The following TTC7A variants were observed in gnomAD, a reference collection of about 807,000 sequenced individuals.
The protein encoded by TTC7A is tetratricopeptide repeat protein 7A.
Under a neutral mutation model 103.7 loss-of-function variants are expected in TTC7A, and 110 were observed. The observed-to-expected ratio is 1.06, with a 90% CI of 0.91 to 1.24. The LOEUF (loss-of-function observed/expected upper bound fraction) is 1.24. Among genes scored for constraint, TTC7A ranks in the 50% most tolerant of loss-of-function variants. The pLI, the probability that TTC7A is intolerant of heterozygous loss-of-function variation, is 0.00. For missense variants in TTC7A, 1,340 were observed against 1,116.3 expected (o/e 1.20, Z -2.86); for synonymous variants, 521 against 467.9 (o/e 1.11, Z -1.47).
chr2:47,017,853 A>G (rs1035305419), intron 11 of TTC7A, among the ~76,000 whole-genome samples: 2 of 152,212 alleles, frequency 1.3e-5, no homozygotes, highest in Non-Finnish European at 2.9e-5. Flanking sequence ...CTATACTCAG[A>G]TGACACTTGC....
At chr2:46,986,585 C>T (rs1000361450) in intron 5 of TTC7A, among the ~76,000 whole-genome samples, 4 of 152,230 alleles carry the variant, frequency 2.6e-5, no homozygotes, top group Non-Finnish European at 2.9e-5. Flanking sequence ...AGGAGCAGTT[C>T]GCCCCAAGGG....
chr2:46,989,258 C>A (rs1316496489), intron 5 of TTC7A, among the ~76,000 whole-genome samples: 1 of 152,242 alleles, frequency 6.6e-6, no homozygotes, highest in Non-Finnish European at 1.5e-5. Context: ...TGGCTTCTCC[C>A]CACGCAGGCT....
rs537815807 is a variant in TTC7A, at chr2:46,917,968, T to C, written c.82+691T>C. ...GTCCAGGGTTCTGTTCTGAGTCACC[T>C]TCTCTATCCACCCTCCCTATGTGAG... On this transcript the variant is annotated intron_variant, in intron 2 of 20. Coordinates refer to the TTC7A transcript ENST00000409245. 2.6e-5 allele frequency among the ~76,000 whole-genome samples: 4 copies of C among 152,362 alleles called. No homozygotes were observed. In the East Asian group the frequency reaches 7.7e-4, roughly 29 times the overall value.
chr2:46,971,922 C>CA (rs5830930), intron 3 of TTC7A, among the ~76,000 whole-genome samples: 18,356 of 93,506 alleles, frequency 0.2, 1,458 homozygotes, highest in African/African-American at 0.33. Flanking sequence ...CTGCAAGTGA[C>CA]AAAAAAAAAA....
chr2:47,039,962 G>C (rs1681555670), intron 15 of TTC7A, among the ~76,000 whole-genome samples: 1 of 152,204 alleles, frequency 6.6e-6, no homozygotes, highest in South Asian at 2.1e-4. Context: ...ATGTCCCCTG[G>C]TTCAGCAGGG....
intron 3 of TTC7A, among the ~76,000 whole-genome samples, chr2:46,959,599 G>A (rs1160624225): frequency 2.0e-5 from 3 of 152,034 alleles, no homozygotes; most frequent in Admixed American, 6.6e-5. Context: ...CTGTCTCTTC[G>A]CCCCCACCCT....
intron 2 of TTC7A, among the ~76,000 whole-genome samples, chr2:46,927,340 A>G (rs1379059706): frequency 6.6e-6 from 1 of 151,208 alleles, no homozygotes; most frequent in Non-Finnish European, 1.5e-5. Context: ...TATTAAAGAT[A>G]GAGGAGAAAA....
intron 15 of TTC7A, among the ~76,000 whole-genome samples, chr2:47,036,679 A>C (rs1328854433): frequency 6.6e-6 from 1 of 152,168 alleles, no homozygotes; most frequent in Non-Finnish European, 1.5e-5. Context: ...TAACATAGCA[A>C]GACCTCGTCT....
intron 2 of TTC7A, chr2:46,951,617 C>T (rs1201958496): frequency 4.4e-6 from 2 of 453,120 alleles, no homozygotes; most frequent in African/African-American, 4.0e-5. Context: ...CGCTGTGTTA[C>T]TCAGGCTGGT....
At chr2:47,026,617 C>G (rs1044371780) in intron 14 of TTC7A, among the ~76,000 whole-genome samples, 1 of 152,184 alleles carries the variant, frequency 6.6e-6, no homozygotes, top group South Asian at 2.1e-4. Flanking sequence ...CAGGAGCTAA[C>G]GCAGCTCCCA....
At chr2:47,020,618 C>T (rs113057676) in intron 11 of TTC7A, among the ~76,000 whole-genome samples, 6 of 152,242 alleles carry the variant, frequency 3.9e-5, no homozygotes, top group African/African-American at 1.4e-4. Flanking sequence ...CTGAGTCGGG[C>T]ATGGTGGGCA....
At chr2:47,056,963 A>T (rs1683375055) in intron 18 of TTC7A, among the ~76,000 whole-genome samples, 1 of 152,142 alleles carries the variant, frequency 6.6e-6, no homozygotes, top group East Asian at 1.9e-4. Context: ...TGAAAATTCA[A>T]GGAAAATGTG....
intron 3 of TTC7A, among the ~76,000 whole-genome samples, chr2:46,967,914 CT>C (rs1672999103): frequency 6.6e-6 from 1 of 151,962 alleles, no homozygotes; most frequent in African/African-American, 2.4e-5. Context: ...TTTTTCGCTT[CT>C]TCCCGTGGCT....
At chr2:47,026,058 A>G (rs927698514) in intron 14 of TTC7A, among the ~76,000 whole-genome samples, 1 of 152,218 alleles carries the variant, frequency 6.6e-6, no homozygotes, top group African/African-American at 2.4e-5. Flanking sequence ...GGGCCAGGCC[A>G]GCGGAGCCAG....
intron 19 of TTC7A, chr2:47,067,935 A>G (rs1684316746): frequency 6.6e-6 from 1 of 152,232 alleles, no homozygotes; most frequent in African/African-American, 2.4e-5. Flanking sequence ...CTCTGAGTCC[A>G]CAGGGGAAGC....
chr2:46,964,342 C>T (rs1672650639), intron 3 of TTC7A, among the ~76,000 whole-genome samples: 1 of 152,088 alleles, frequency 6.6e-6, no homozygotes, highest in African/African-American at 2.4e-5. Flanking sequence ...CTTCTTGGAG[C>T]CAAGAGGAGG....
At chr2:47,044,863 G>C (rs557492073) in intron 15 of TTC7A, among the ~76,000 whole-genome samples, 31 of 152,352 alleles carry the variant, frequency 2.0e-4, no homozygotes, top group African/African-American at 7.5e-4. Flanking sequence ...AAGGACATCA[G>C]AGGGCTTCAT....
rs538712642 is a variant in TTC7A, at chr2:47,026,405, G to C, written c.1641+2046G>C. 2.9e-3 allele frequency among the ~76,000 whole-genome samples: 449 copies of C among 152,320 alleles called. 4 individuals are homozygous for C. Among genetic ancestry groups the C allele is most frequent in the Non-Finnish European group, 5.1e-3 (344 of 68,014 alleles). On this transcript the variant is annotated intron_variant, in intron 14 of 19. Transcript: ENST00000319190. ...CCTATCCACAAAGTAAGGTGCCCGG[G>C]GAGAACTCCGGGCCTGGCACTGGTG...
chr2:47,001,415 A>G (rs556007175), intron 8 of TTC7A, among the ~76,000 whole-genome samples: 2 of 152,264 alleles, frequency 1.3e-5, no homozygotes, highest in Admixed American at 1.3e-4. Context: ...GTTCAGCCTC[A>G]GCTCCCTGGG....
Sources: allele counts gnomAD v4.1 joint callset (sites outside exome capture counted in the v4.1 genomes callset), GRCh38; gene constraint gnomAD v4.1.1; transcripts MANE v1.5; gene names NCBI Gene and HGNC (gene_info 2026-07-23, HGNC 2026-07-21).